The following MFSD11 variants were observed in gnomAD, a reference collection of about 807,000 sequenced individuals.
MFSD11 encodes UNC93-like protein MFSD11.
Under a neutral mutation model 53.5 loss-of-function variants are expected in MFSD11, and 36 were observed. That is an observed-to-expected ratio of 0.67 (90% confidence interval 0.52 to 0.89). The LOEUF (loss-of-function observed/expected upper bound fraction) is 0.89, where lower values mean the gene tolerates loss of function less well. Among genes scored for constraint, MFSD11 ranks in the 40% least tolerant of loss-of-function variants. The pLI, the probability that MFSD11 is intolerant of heterozygous loss-of-function variation, is 0.00. For missense variants in MFSD11, 530 were observed against 543.9 expected (o/e 0.97, Z 0.25); for synonymous variants, 186 against 184.9 (o/e 1.01, Z -0.05).
intron 11 of MFSD11, 84 bp downstream of exon 11, chr17:76,775,255 C>T (rs1293490737): frequency 7.7e-7 from 1 of 1,304,180 alleles, no homozygotes; most frequent in Non-Finnish European, 1.1e-6. Flanking sequence ...AGCAGTTAAT[C>T]CTCTTCAGAG....
In MFSD11 at chr17:76,776,933, G is replaced by C. The variant is rs947674974; in HGVS notation, c.1185+392G>C. Among the ~76,000 whole-genome samples, 1 of 151,844 alleles carries C rather than the reference G, an allele frequency of 6.6e-6. No homozygotes were observed. The highest frequency in any genetic ancestry group is 2.1e-4 in the South Asian group (1 of 4,800). On this transcript the variant is annotated intron_variant, in intron 12 of 12. Transcript: ENST00000685175. This position sits in a 1 kb window ranked among gnomAD's most constrained non-coding sequence, Gnocchi z 4.2. ...TCCCAAAGTGCTGGGGATTATATGC[G>C]TGAGCCACCGCACCTGGTCTATTTT...
intron 3 of MFSD11, among the ~76,000 whole-genome samples, chr17:76,741,484 A>G (rs1411973382): frequency 6.6e-6 from 1 of 152,178 alleles, no homozygotes; most frequent in African/African-American, 2.4e-5. Context: ...CTGAAATAAT[A>G]AATTATGGGC....
intron 8 of MFSD11, among the ~76,000 whole-genome samples, chr17:76,756,940 T>C (rs938179656): frequency 5.3e-5 from 8 of 151,952 alleles, no homozygotes; most frequent in African/African-American, 1.9e-4. Flanking sequence ...CTCATAGAAA[T>C]GGCAATTTAA....
Position 76,776,505 on chromosome 17 carries a change from C to T in MFSD11, c.1149C>T (p.Asp383=). ...TCTTGGGCTTTCTGTATTCTGAAGA[C>T]AGCGCCCCAGCATTTGCCATCTTCA... The part of the protein sequence containing the change: ...LSILGFLYSE[D]SAPAFAIFKF... Residue 383 remains aspartate, a synonymous_variant, in exon 12 of 13, where the codon GAC becomes GAT. Transcript: ENST00000685175. This position sits in a 1 kb window ranked among gnomAD's most constrained non-coding sequence, Gnocchi z 4.2. The T allele has an allele frequency of 6.2e-7, 1 of 1,614,098 alleles. No homozygotes were observed. Among genetic ancestry groups the T allele is most frequent in the Non-Finnish European group, 8.5e-7 (1 of 1,180,022 alleles).
chr17:76,792,447 C>CT, the MFSD11 span, among the ~76,000 whole-genome samples: 818 of 144,432 alleles, frequency 5.7e-3, 23 homozygotes, highest in East Asian at 0.024. Flanking sequence ...TCTTTTCTTT[C>CT]TTTTTTTTTT....
chr17:76,778,109 TAG>T, intron 12 of MFSD11, 77 bp from the exon 13 acceptor site: 1 of 1,448,018 alleles, frequency 6.9e-7, no homozygotes, highest in South Asian at 1.2e-5. Context: ...TGGGGCAGGA[TAG>T]GAGTGGGGCT....
chr17:76,800,500 A>G, the MFSD11 span, among the ~76,000 whole-genome samples: 154 of 151,954 alleles, frequency 1.0e-3, 4 homozygotes, highest in Non-Finnish European at 5.0e-4. Flanking sequence ...TGGTGTGGCC[A>G]TTTGTCTGTG....
chr17:76,758,505 C>T (rs990621445), intron 8 of MFSD11, among the ~76,000 whole-genome samples: 12 of 150,952 alleles, frequency 7.9e-5, no homozygotes, highest in Admixed American at 5.3e-4. Flanking sequence ...ATTGCTTGGG[C>T]CCTGGAGGTC....
downstream of MFSD11, among the ~76,000 whole-genome samples, chr17:76,781,988 A>AT (rs57536397): frequency 0.02 from 2,809 of 137,338 alleles, 36 homozygotes; most frequent in South Asian, 0.031. Context: ...TGCCTGGATA[A>AT]TTTTTTTTTT....
rs1371048367 is a variant in MFSD11 at position 76,744,452 on chromosome 17, C to A, written c.627C>A (p.Asp209Glu). ...LGEDESSDDQ[D>E]MEVNESAQNN... ...AAGATGAGTCTTCTGATGACCAGGACATGGAAGTCAACGAGTAAGATGTTG... is the reference window on the plus strand; with the variant it reads ...AAGATGAGTCTTCTGATGACCAGGAAATGGAAGTCAACGAGTAAGATGTTG... Residue 209 changes from aspartate (D) to glutamate (E), a missense_variant, in exon 7 of 13, where the codon GAC becomes GAA. Physicochemically the swap from Asp to Glu is conservative, Grantham distance 45. Coordinates refer to ENST00000685175, the MANE Select transcript of MFSD11 (RefSeq NM_001242532.5). 2.5e-6 allele frequency: 4 copies of A among 1,607,634 alleles called. No individual in the cohort carries two copies. The highest frequency in any genetic ancestry group is 3.4e-6 in the Non-Finnish European group (4 of 1,178,338).
upstream of MFSD11, chr17:76,738,039 G>C (rs2077662930): frequency 2.6e-6 from 1 of 382,024 alleles, no homozygotes; most frequent in Non-Finnish European, 4.7e-6. Context: ...CGGCTGCTGC[G>C]GCTGGCACTT....
intron 10 of MFSD11, among the ~76,000 whole-genome samples, chr17:76,770,735 A>G (rs1598743030): frequency 6.6e-6 from 1 of 152,136 alleles, no homozygotes; most frequent in African/African-American, 2.4e-5. Context: ...TCTCCTGACT[A>G]TTAGAGTTTA....
chr17:76,760,527 C>CT (rs113259380), intron 8 of MFSD11, among the ~76,000 whole-genome samples: 13,637 of 144,840 alleles, frequency 0.094, 2,020 homozygotes, highest in African/African-American at 0.32. Flanking sequence ...AGTTTTCTTT[C>CT]TTTTTTTTTT....
At chr17:76,740,725 ATGTAT>A (rs2077990731) in intron 2 of MFSD11, among the ~76,000 whole-genome samples, 2 of 152,204 alleles carry the variant, frequency 1.3e-5, no homozygotes, top group African/African-American at 4.8e-5. Flanking sequence ...TATGTAAAAA[ATGTAT>A]TGTAGGCAGA....
intron 8 of MFSD11, among the ~76,000 whole-genome samples, chr17:76,758,405 C>A (rs1360511478): frequency 1.3e-5 from 2 of 151,812 alleles, no homozygotes; most frequent in African/African-American, 4.8e-5. Context: ...CAACATGATG[C>A]ACCTCTCTCT....
intron 8 of MFSD11, among the ~76,000 whole-genome samples, chr17:76,757,773 G>A (rs1209123342): frequency 2.0e-5 from 3 of 152,276 alleles, no homozygotes; most frequent in African/African-American, 7.2e-5. Context: ...TACTTTGGGA[G>A]GTCAAGGCAG....
At position 76,775,132 on chromosome 17, in the gene MFSD11, C is replaced by T; in HGVS notation, c.1010C>T (p.Pro337Leu). The T allele has an allele frequency of 6.2e-7, 1 of 1,613,980 alleles. No homozygotes were observed. Among genetic ancestry groups the T allele is most frequent in the Non-Finnish European group, 8.5e-7 (1 of 1,179,918 alleles). The change falls in exon 11 of 13, where the codon CCT becomes CTT. Residue 337 changes from proline to leucine, a missense_variant. Physicochemically the swap from Pro to Leu is moderately conservative, Grantham distance 98. Transcript: ENST00000685175. ...LNMPGDAPIA[P>L]VKGTDSSAYI... ...ATGCCTGGAGATGCCCCGATTGCTC[C>T]TGTTAAAGGAACTGACAGCAGTGCT...
chr17:76,749,303 T>C (rs2078831372), intron 7 of MFSD11, among the ~76,000 whole-genome samples: 1 of 149,130 alleles, frequency 6.7e-6, no homozygotes, highest in Non-Finnish European at 1.5e-5. Flanking sequence ...ACAGGCGGAT[T>C]GCTTGAACCC....
chr17:76,737,324 T>A, upstream of MFSD11: 2 of 916,416 alleles, frequency 2.2e-6, no homozygotes, highest in Non-Finnish European at 3.1e-6. Context: ...CGCACCTGAG[T>A]AACAACTGGG....
Sources: allele counts gnomAD v4.1 joint callset (sites outside exome capture counted in the v4.1 genomes callset), GRCh38; gene constraint gnomAD v4.1.1; non-coding constraint Gnocchi (gnomAD v3.1); transcripts MANE v1.5; gene names NCBI Gene and HGNC (gene_info 2026-07-23, HGNC 2026-07-21).